Variants in MARK4 observed in about 807,000 individuals in gnomAD.
MARK4 encodes the protein MAP/microtubule affinity-regulating kinase 4.
A neutral mutation model predicts 81.5 loss-of-function variants in MARK4; 19 were observed. The observed-to-expected ratio is 0.23, with a 90% CI of 0.16 to 0.34. The LOEUF is 0.34. MARK4 is among the 10% of genes least tolerant of loss of function. MARK4 has a pLI of 1.00. For missense variants in MARK4, 772 were observed against 1,058.8 expected (o/e 0.73, Z 3.76); for synonymous variants, 436 against 439.0 (o/e 0.99, Z 0.08).
Position 45,251,598 on chromosome 19 carries a change from C to A in MARK4, c.10C>A (p.Arg4=). MSS[R]TVLAPGNDRN... ...CCGGGACCCGGAGAAGATGTCTTCG[C>A]GGACGGTGCTGGCCCCGGGCAACGA... Residue 4 remains arginine (R), a synonymous_variant, in exon 1 of 17, where the codon CGG becomes AGG. Transcript: ENST00000262891. 8.4e-7 allele frequency: 1 copy of A among 1,188,280 alleles called. No homozygotes were observed. Among genetic ancestry groups the A allele is most frequent in the Non-Finnish European group, 1.1e-6 (1 of 941,390 alleles). The allele number at this position is 1,188,280 out of a possible 1,614,324, so 73.6% of individuals were successfully genotyped here. A position where few individuals can be genotyped will look rare whatever the true frequency, so the allele number is the denominator to read the frequency against.
rs988347314 is a variant in MARK4 at position 45,271,270 on chromosome 19, G to A, written c.550-202G>A. Among the ~76,000 whole-genome samples, 6 of 152,166 alleles carry A rather than the reference G, an allele frequency of 3.9e-5. No homozygotes were observed. Among genetic ancestry groups the A allele is most frequent in the African/African-American group, 9.7e-5 (4 of 41,442 alleles). ...AACTACGCTATGAAATAGGAACTAAGATTATCCCCATTCTATGGATGAGGA... is the reference window on the plus strand; with the variant it reads ...AACTACGCTATGAAATAGGAACTAAAATTATCCCCATTCTATGGATGAGGA... On this transcript the variant is annotated intron_variant, in intron 7 of 16. Transcript: ENST00000262891. The surrounding 1 kb of genome is among the most constrained non-coding windows in gnomAD (Gnocchi z 4.1).
intron 13 of MARK4, among the ~76,000 whole-genome samples, chr19:45,289,719 G>A (rs930914036): frequency 1.3e-5 from 2 of 151,990 alleles, no homozygotes; most frequent in Non-Finnish European, 1.5e-5. Flanking sequence ...GCAGTGAGCC[G>A]AGATCACGCC....
intron 7 of MARK4, among the ~76,000 whole-genome samples, chr19:45,267,527 G>A (rs1199746150): frequency 6.6e-6 from 1 of 152,172 alleles, no homozygotes; most frequent in African/African-American, 2.4e-5. Context: ...CAGTCCTCGC[G>A]CTCCAAGACC....
chr19:45,294,445 G>C lies in MARK4; in HGVS notation c.1591G>C (p.Glu531Gln). 1.2e-6 allele frequency: 2 copies of C among 1,613,936 alleles called. No individual in the cohort carries two copies. Among genetic ancestry groups the C allele is most frequent in the Admixed American group, 1.7e-5 (1 of 60,000 alleles). The change falls in exon 14 of 17, where the codon GAA becomes CAA. Residue 531 changes from glutamate to glutamine, a missense_variant. By Grantham distance (29) the Glu-to-Gln change is conservative (BLOSUM62 2). Transcript: ENST00000262891. ...CCCGTCACTGTTGCCAAATGGGAAA[G>C]AAAACAGGTACGGAGGGGGCAGCAA... is the stretch of plus-strand genomic sequence containing the variant. Reference protein sequence around the residue: ...ERPSLLPNGKENSSGTPRVPP... With the variant: ...ERPSLLPNGKQNSSGTPRVPP...
At chr19:45,278,461 T>G (rs749280476) in intron 9 of MARK4, 55 bp from the exon 10 acceptor site, 21 of 1,489,246 alleles carry the variant, frequency 1.4e-5, no homozygotes, top group Non-Finnish European at 2.0e-5. Context: ...AGCTGTATGA[T>G]TTCTGGTTCC....
intron 13 of MARK4, among the ~76,000 whole-genome samples, chr19:45,289,142 C>T (rs932157436): frequency 6.6e-6 from 1 of 152,274 alleles, no homozygotes; most frequent in African/African-American, 2.4e-5. Context: ...ATAATCCCAG[C>T]ACTTTGGGAG....
intron 2 of MARK4, among the ~76,000 whole-genome samples, chr19:45,262,294 C>G (rs1335848637): frequency 7.1e-6 from 1 of 141,164 alleles, no homozygotes; most frequent in Non-Finnish European, 1.5e-5. Context: ...ACCACTGTAA[C>G]ACCACTGTAC....
At position 45,302,973 on chromosome 19, in the gene MARK4, C is replaced by T. The variant is rs1970998527; in HGVS notation, c.*263C>T. ...CTCCCTCGCCCTACCAAGAGGGCAC[C>T]TGAGGAGACTTTGGGGACAGGGCAG... On this transcript the variant is annotated 3_prime_UTR_variant, in exon 17 of 17. Transcript: ENST00000262891. This position sits in a 1 kb window ranked among gnomAD's most constrained non-coding sequence, Gnocchi z 4.9. 7.2e-6 allele frequency: 4 copies of T among 552,438 alleles called. No individual in the cohort carries two copies. Among genetic ancestry groups the T allele is most frequent in the East Asian group, 3.3e-5 (1 of 30,242 alleles). 34.2% of individuals were successfully genotyped at this position (552,438 alleles called of 1,614,324 possible).
At chr19:45,269,117 C>T (rs1007150161) in intron 7 of MARK4, among the ~76,000 whole-genome samples, 2 of 152,202 alleles carry the variant, frequency 1.3e-5, no homozygotes, top group East Asian at 1.9e-4. Context: ...CGGCTCACAC[C>T]TGTAATCTCA....
intron 7 of MARK4, among the ~76,000 whole-genome samples, chr19:45,267,406 G>A (rs1461820122): frequency 1.3e-5 from 2 of 152,154 alleles, no homozygotes; most frequent in African/African-American, 4.8e-5. Flanking sequence ...TACCAGGCAG[G>A]AAGGGACTCA....
Position 45,287,500 on chromosome 19 carries a change from G to A in MARK4, c.1330G>A (p.Glu444Lys). The A allele has an allele frequency of 6.5e-7, 1 of 1,533,092 alleles. No homozygotes were observed. The highest frequency in any genetic ancestry group is 8.8e-7 in the Non-Finnish European group (1 of 1,136,296). The allele number at this position is 1,533,092 out of a possible 1,614,324, so 95.0% of individuals were successfully genotyped here. Residue 444 changes from glutamate to lysine, a missense_variant, in exon 13 of 17, where the codon GAG becomes AAG. By Grantham distance (56) the Glu-to-Lys change is moderately conservative (BLOSUM62 1). Around this residue, in one of 3 missense-constraint regions of MARK4, gnomAD observed 548 missense variants for 624.3 expected, o/e 0.88. Transcript: ENST00000262891. The part of the protein sequence containing the change: ...HPKRSPTSTG[E>K]AELKEERLPG... ...CAAACGCAGCCCGACGAGCACGGGG[G>A]AGGCGGAGCTGAAGGAGGAGCGGCT...
intron 7 of MARK4, among the ~76,000 whole-genome samples, chr19:45,268,877 C>G (rs1168118497): frequency 6.6e-6 from 1 of 152,186 alleles, no homozygotes; most frequent in Non-Finnish European, 1.5e-5. Context: ...TTCCACTGGG[C>G]TAGGGTGTCC....
At chr19:45,266,492 G>C (rs954741020) in intron 7 of MARK4, among the ~76,000 whole-genome samples, 5 of 152,156 alleles carry the variant, frequency 3.3e-5, no homozygotes, top group Admixed American at 3.3e-4. Flanking sequence ...CGGATGGGGG[G>C]GAGGGGACAG....
In MARK4 at chr19:45,304,995, G is replaced by C. The variant is rs991073251; in HGVS notation, c.*2285G>C. 11 of 152,544 alleles carry C rather than the reference G, an allele frequency of 7.2e-5. No individual in the cohort carries two copies. Among genetic ancestry groups the C allele is most frequent in the African/African-American group, 2.7e-4 (11 of 41,450 alleles). The allele number at this position is 152,544 out of a possible 1,614,324, so 9.4% of individuals were successfully genotyped here. A position where few individuals can be genotyped will look rare whatever the true frequency, so the allele number is the denominator to read the frequency against. The stretch of plus-strand genomic sequence containing the variant: ...AAGGGCACTGGGGGAGCCATGGCAA[G>C]GTTGTAGGTAGGGTAGAGATGGGCG... On this transcript the variant is annotated 3_prime_UTR_variant, in exon 17 of 17. Transcript: ENST00000262891.
intron 1 of MARK4, among the ~76,000 whole-genome samples, chr19:45,254,075 C>T (rs1970277425): frequency 6.6e-6 from 1 of 152,128 alleles, no homozygotes; most frequent in Admixed American, 6.5e-5. Flanking sequence ...GTTGCAGCCC[C>T]CTCTCCTGTT....
In MARK4 at chr19:45,266,290, C is replaced by A. The variant is rs761914290; in HGVS notation, c.549+9C>A. 1 of 1,613,632 alleles carries A rather than the reference C, an allele frequency of 6.2e-7. No individual in the cohort carries two copies. Among genetic ancestry groups the A allele is most frequent in the Non-Finnish European group, 8.5e-7 (1 of 1,179,660 alleles). On this transcript the variant is annotated intron_variant, in intron 7 of 16. Transcript: ENST00000262891. Reference sequence around the variant, plus strand: ...TACACAGGGACCTGAAGGTAAGCCCCCGACCCGCTGTGATCTCAGGGACCA... The same window carrying A: ...TACACAGGGACCTGAAGGTAAGCCCACGACCCGCTGTGATCTCAGGGACCA...
chr19:45,300,931 C>A (rs753399396), intron 16 of MARK4, among the ~76,000 whole-genome samples: 1 of 151,950 alleles, frequency 6.6e-6, no homozygotes, highest in African/African-American at 2.4e-5. Flanking sequence ...AGCTGAGGGG[C>A]GGCCCCACCG....
chr19:45,260,389 CAAAA>C (rs35221473), intron 2 of MARK4, among the ~76,000 whole-genome samples: 1 of 110,910 alleles, frequency 9.0e-6, no homozygotes. Context: ...GACTTTGTCT[CAAAA>C]AAAAAAAAAA....
chr19:45,259,316 A>AT lies in MARK4; in HGVS notation c.252+128dup, dbSNP rs1970351075. On this transcript the variant is annotated intron_variant, in intron 2 of 16. Transcript: ENST00000262891. ...GCCTCAGGTAAGTTCCCGACTCTCTATGGGACAGGTCACAATATCTCTGAT... is the reference window on the plus strand; with the variant it reads ...GCCTCAGGTAAGTTCCCGACTCTCTATTGGGACAGGTCACAATATCTCTGAT... 11 of 983,718 alleles carry AT rather than the reference A, an allele frequency of 1.1e-5. No individual in the cohort carries two copies. The East Asian group carries it at 2.9e-4, about 26-fold the overall frequency. 60.9% of individuals were successfully genotyped at this position (983,718 alleles called of 1,614,324 possible). A position where few individuals can be genotyped will look rare whatever the true frequency, so the allele number is the denominator to read the frequency against.
Sources: gnomAD v4.1 joint callset for allele counts (sites outside exome capture counted in the v4.1 genomes callset) on GRCh38, gnomAD v4.1.1 for gene constraint, gnomAD v4.1.1 regional missense constraint, Gnocchi (gnomAD v3.1) non-coding constraint, MANE v1.5 for transcripts, NCBI Gene and HGNC (gene_info 2026-07-23, HGNC 2026-07-21) for gene names.